SLC9A6: variants seen among roughly 807,000 people sequenced by gnomAD.
The protein encoded by SLC9A6 is solute carrier family 9 member A6.
A neutral mutation model predicts 45.3 loss-of-function variants in SLC9A6; 6 were observed. The ratio of observed to expected loss-of-function variants is 0.13; its 90% CI spans 0.07 to 0.26. SLC9A6 has a LOEUF of 0.26. SLC9A6 is among the 10% of genes least tolerant of loss of function. The pLI, the probability that SLC9A6 is intolerant of heterozygous loss-of-function variation, is 1.00. For synonymous variants in SLC9A6, 191 were observed against 187.7 expected, an observed-to-expected ratio of 1.02 and a Z score of -0.14; for missense variants, 278 against 503.7, an observed-to-expected ratio of 0.55 and a Z score of 4.29.
At chrX:135,995,070 T>A in intron 3 of SLC9A6, 85 bp downstream of exon 3, 2 of 586,001 alleles carry the variant, frequency 3.4e-6, no homozygotes, top group Non-Finnish European at 5.6e-6. Flanking sequence ...AATGGATTTT[T>A]AATGATATTT....
intron 7 of SLC9A6, among the ~76,000 whole-genome samples, chrX:136,007,887 G>T (rs1488710785): frequency 9.0e-6 from 1 of 110,813 alleles, no homozygotes; most frequent in Non-Finnish European, 1.9e-5. Flanking sequence ...AAATATTTCT[G>T]TAGGGTATTT....
intron 15 of SLC9A6, among the ~76,000 whole-genome samples, chrX:136,032,238 T>G (rs1229873583): frequency 8.9e-6 from 1 of 111,808 alleles, no homozygotes; most frequent in East Asian, 2.8e-4. Context: ...CAGCTCATTT[T>G]TTTGTGTGTT....
At chrX:135,999,758 A>G (rs1453188259) in intron 6 of SLC9A6, among the ~76,000 whole-genome samples, 1 of 111,901 alleles carries the variant, frequency 8.9e-6, no homozygotes, top group African/African-American at 3.2e-5. Context: ...CTAAGGATGG[A>G]AATTTTCTTT....
chrX:136,002,340 C>T, intron 7 of SLC9A6, 127 bp downstream of exon 7: 1 of 521,687 alleles, frequency 1.9e-6, no homozygotes, highest in Non-Finnish European at 3.3e-6. Context: ...TTTTTTCCCT[C>T]TTGAAGAAAT....
chrX:136,039,161 C>T (rs1556622149), intron 16 of SLC9A6, among the ~76,000 whole-genome samples: 1 of 109,211 alleles, frequency 9.2e-6, no homozygotes, highest in Non-Finnish European at 1.9e-5. Flanking sequence ...AGGCTCAGTT[C>T]AAGACCAGCC....
intron 16 of SLC9A6, among the ~76,000 whole-genome samples, chrX:136,034,810 A>G (rs1347794260): frequency 1.8e-5 from 2 of 111,994 alleles, no homozygotes; most frequent in Non-Finnish European, 3.8e-5. Context: ...CTCCCATTAG[A>G]GAAAGAGAGC....
In SLC9A6 at chrX:136,017,619, A is replaced by G. The variant is rs1044190592; in HGVS notation, c.1194+861A>G. Reference sequence around the variant, plus strand: ...ATAGGGTATGTAGAAATGAAGGCACATTTGTAAGATGGAGCCATCCTCTCT... The same window carrying G: ...ATAGGGTATGTAGAAATGAAGGCACGTTTGTAAGATGGAGCCATCCTCTCT... On this transcript the variant is annotated intron_variant, in intron 11 of 17. Transcript: ENST00000630721. Among the ~76,000 whole-genome samples, 7 of 111,422 alleles carry G rather than the reference A, an allele frequency of 6.3e-5. No homozygotes were observed. In the South Asian group the frequency reaches 1.1e-3, roughly 18 times the overall value.
intron 2 of SLC9A6, among the ~76,000 whole-genome samples, chrX:135,994,398 C>T (rs367572435): frequency 1.6e-4 from 18 of 111,499 alleles, no homozygotes; most frequent in African/African-American, 5.2e-4. Flanking sequence ...TGAGCCACCG[C>T]GCCTGGCCAG....
chrX:136,017,963 T>C lies in SLC9A6; in HGVS notation c.1194+1205T>C, dbSNP rs782309482. ...CAGCAAGAGGCTTCTATTCTTCACG[T>C]GGATATCTCCATAGGGCAGCTTACA... On this transcript the variant is annotated intron_variant, in intron 11 of 17. Coordinates refer to ENST00000630721, the MANE Select transcript of SLC9A6 (RefSeq NM_001379110.1). Among the ~76,000 whole-genome samples, 27 of 111,803 alleles carry C rather than the reference T, an allele frequency of 2.4e-4. No individual in the cohort carries two copies. In the East Asian group the frequency reaches 6.8e-3, roughly 28 times the overall value.
intron 15 of SLC9A6, 65 bp downstream of exon 15, chrX:136,030,227 A>C: frequency 9.7e-7 from 1 of 1,027,329 alleles, no homozygotes; most frequent in Non-Finnish European, 1.4e-6. Context: ...GAAAGAAAAC[A>C]ATCTACTATA....
intron 17 of SLC9A6, among the ~76,000 whole-genome samples, chrX:136,040,966 CA>C (rs1556622504): frequency 9.0e-6 from 1 of 110,622 alleles, no homozygotes; most frequent in East Asian, 2.8e-4. Flanking sequence ...ACCAAAATTA[CA>C]AAAATTAGCT....
At chrX:135,988,429 TTTTCTTTC>T in intron 2 of SLC9A6, among the ~76,000 whole-genome samples, 1 of 109,937 alleles carries the variant, frequency 9.1e-6, no homozygotes, top group Middle Eastern at 4.7e-3. Flanking sequence ...TCTCTCTTTC[TTTTCTTTC>T]TTTCTTTCTT....
At chrX:135,989,727 G>A (rs1330855672) in intron 2 of SLC9A6, among the ~76,000 whole-genome samples, 2 of 111,703 alleles carry the variant, frequency 1.8e-5, no homozygotes, top group African/African-American at 3.3e-5. Flanking sequence ...GGAATAATGG[G>A]CTGAAATCCA....
At chrX:135,993,824 G>A (rs918211053) in intron 2 of SLC9A6, among the ~76,000 whole-genome samples, 2 of 111,020 alleles carry the variant, frequency 1.8e-5, no homozygotes, top group Admixed American at 9.6e-5. Flanking sequence ...ACAGTACCTA[G>A]AACATTGTGC....
rs2148216878 is a variant in SLC9A6 at position 136,044,533 on chromosome X, G to A, written c.1849G>A (p.Val617Met). Residue 617 changes from valine to methionine, a missense_variant, in exon 18 of 18, where the codon GTG (valine) becomes ATG (methionine). Around this residue, in one of 5 missense-constraint regions of SLC9A6, gnomAD observed 91 missense variants for 125.1 expected, o/e 0.73. Transcript: ENST00000630721. ...DISLTYGDSTVNTEPATSSAP... is the reference protein window; with the variant it reads ...DISLTYGDSTMNTEPATSSAP... ...CAGTTTGACATATGGAGATTCTACT[G>A]TGAACACTGAACCGGCCACATCCAG... 8.3e-7 allele frequency: 1 copy of A among 1,209,598 alleles called. No homozygotes were observed. Among genetic ancestry groups the A allele is most frequent in the South Asian group, 1.8e-5 (1 of 56,931 alleles).
chrX:135,981,716 G>A (rs1465823266), upstream of SLC9A6, among the ~76,000 whole-genome samples: 1 of 112,128 alleles, frequency 8.9e-6, no homozygotes, highest in African/African-American at 3.2e-5. Flanking sequence ...GAGACAGTCT[G>A]GAGGCAGGGT....
chrX:136,037,254 A>G (rs1482602943), intron 16 of SLC9A6, among the ~76,000 whole-genome samples: 3 of 112,200 alleles, frequency 2.7e-5, no homozygotes, highest in Non-Finnish European at 5.6e-5. Flanking sequence ...GTGCATGTGC[A>G]CACACACGCA....
At chrX:135,985,989 A>C (rs1174673870) in intron 2 of SLC9A6, among the ~76,000 whole-genome samples, 162 bp downstream of exon 2, 3 of 100,499 alleles carry the variant, frequency 3.0e-5, no homozygotes, top group Admixed American at 1.1e-4. Flanking sequence ...TCTCTGCCTC[A>C]CCCCCTTTCC....
intron 11 of SLC9A6, among the ~76,000 whole-genome samples, chrX:136,021,017 C>T (rs782453756): frequency 3.0e-4 from 33 of 110,270 alleles, no homozygotes; most frequent in Non-Finnish European, 6.0e-4. Context: ...AATCTGAGCA[C>T]TAGGTGTGCT....
Sources: gnomAD v4.1 joint callset for allele counts (sites outside exome capture counted in the v4.1 genomes callset) on GRCh38, gnomAD v4.1.1 for gene constraint, gnomAD v4.1.1 regional missense constraint, MANE v1.5 for transcripts, NCBI Gene and HGNC (gene_info 2026-07-23, HGNC 2026-07-21) for gene names.